The following CLYBL variants were observed in gnomAD, a reference collection of about 807,000 sequenced individuals.
The protein encoded by CLYBL is citramalyl-CoA lyase, mitochondrial.
Under a neutral mutation model 38.9 loss-of-function variants are expected in CLYBL, and 31 were observed. That is an observed-to-expected ratio of 0.80 (90% CI 0.60 to 1.08). The LOEUF (loss-of-function observed/expected upper bound fraction) is 1.08, where lower values mean the gene tolerates loss of function less well. Ranked by LOEUF, CLYBL falls within the 50% of genes least tolerant of loss-of-function variation. The pLI is 0.00. For missense variants in CLYBL, 434 were observed against 411.6 expected, an observed-to-expected ratio of 1.05 and a Z score of -0.47; for synonymous variants, 171 against 158.6, an observed-to-expected ratio of 1.08 and a Z score of -0.59.
At chr13:99,673,175 G>C (rs2047592871) in intron 1 of CLYBL, among the ~76,000 whole-genome samples, 1 of 152,186 alleles carries the variant, frequency 6.6e-6, no homozygotes, top group African/African-American at 2.4e-5. Flanking sequence ...CACTTTGAGA[G>C]GCTGAGGTAG....
intron 1 of CLYBL, among the ~76,000 whole-genome samples, chr13:99,685,698 A>T (rs1484976602): frequency 6.6e-6 from 1 of 152,204 alleles, no homozygotes; most frequent in Non-Finnish European, 1.5e-5. Context: ...ACGGTGGCTC[A>T]AGCCTGTAAT....
chr13:99,747,528 A>G (rs1336757349), intron 1 of CLYBL, among the ~76,000 whole-genome samples: 3 of 152,076 alleles, frequency 2.0e-5, no homozygotes, highest in East Asian at 1.9e-4. Context: ...CCACGGCCAC[A>G]TTTATAGAAA....
chr13:99,725,584 G>A (rs2048459068), intron 1 of CLYBL, among the ~76,000 whole-genome samples: 1 of 152,176 alleles, frequency 6.6e-6, no homozygotes, highest in African/African-American at 2.4e-5. Context: ...AACTCAGTGG[G>A]AAATGTTAAC....
chr13:99,684,687 C>T (rs1486886574), intron 1 of CLYBL, among the ~76,000 whole-genome samples: 1 of 152,168 alleles, frequency 6.6e-6, no homozygotes, highest in African/African-American at 2.4e-5. Context: ...TGTATTTCTG[C>T]AAAATCTACC....
chr13:99,884,778 G>A (rs2052304601), intron 7 of CLYBL, among the ~76,000 whole-genome samples: 1 of 152,166 alleles, frequency 6.6e-6, no homozygotes, highest in African/African-American at 2.4e-5. Context: ...AGTTTGATGG[G>A]GTGGGAGGCA....
At chr13:99,859,292 G>A (rs1338078210) in intron 3 of CLYBL, among the ~76,000 whole-genome samples, 1 of 152,180 alleles carries the variant, frequency 6.6e-6, no homozygotes, top group East Asian at 1.9e-4. Flanking sequence ...TGGATGTGTG[G>A]TTTGGCCAGA....
chr13:99,909,296 G>T (rs1437236978), exon 10 of CLYBL, among the ~76,000 whole-genome samples: 1 of 152,226 alleles, frequency 6.6e-6, no homozygotes, highest in African/African-American at 2.4e-5. Context: ...GGCTTCAGTT[G>T]TCTCATTCTG....
intron 1 of CLYBL, among the ~76,000 whole-genome samples, chr13:99,631,844 AC>A (rs2046950855): frequency 6.6e-6 from 1 of 151,980 alleles, no homozygotes; most frequent in South Asian, 2.1e-4. Context: ...CTCGTGATCC[AC>A]CCGCCTCAGC....
At chr13:99,710,698 G>A (rs1566297270) in intron 1 of CLYBL, among the ~76,000 whole-genome samples, 1 of 151,958 alleles carries the variant, frequency 6.6e-6, no homozygotes, top group Non-Finnish European at 1.5e-5. Flanking sequence ...GGGAATCTTG[G>A]TACACCATTT....
chr13:99,755,101 G>T (rs1043794426), intron 1 of CLYBL, among the ~76,000 whole-genome samples: 38 of 151,994 alleles, frequency 2.5e-4, no homozygotes, highest in African/African-American at 8.9e-4. Context: ...GTTTCACCAT[G>T]TTAGCCAGGA....
chr13:99,734,028 G>C (rs1342730541), intron 1 of CLYBL, among the ~76,000 whole-genome samples: 3 of 152,144 alleles, frequency 2.0e-5, no homozygotes, highest in Non-Finnish European at 4.4e-5. Context: ...ATCTTTTCTT[G>C]TTCCATCTGA....
intron 1 of CLYBL, among the ~76,000 whole-genome samples, chr13:99,618,207 G>A (rs1481340725): frequency 2.0e-5 from 3 of 151,822 alleles, no homozygotes; most frequent in Admixed American, 1.3e-4. Context: ...TATTTTGAGT[G>A]TTTCTAAAGA....
intron 1 of CLYBL, among the ~76,000 whole-genome samples, chr13:99,744,164 G>A (rs888447915): frequency 6.6e-6 from 1 of 151,766 alleles, no homozygotes; most frequent in Admixed American, 6.6e-5. Context: ...AGTAGAGACG[G>A]GGTTTCACCG....
At chr13:99,752,467 G>T (rs1253800605) in intron 1 of CLYBL, among the ~76,000 whole-genome samples, 2 of 152,122 alleles carry the variant, frequency 1.3e-5, no homozygotes, top group Non-Finnish European at 2.9e-5. Context: ...GCTGATTTTT[G>T]CAGAAAAGGA....
chr13:99,684,893 AAAC>A (rs1833412507), intron 1 of CLYBL, among the ~76,000 whole-genome samples: 1 of 152,268 alleles, frequency 6.6e-6, no homozygotes, highest in South Asian at 2.1e-4. Flanking sequence ...TTTATAAAGA[AAAC>A]AACCAGCCAA....
At chr13:99,897,624 T>C (rs1036627204), downstream of CLYBL, among the ~76,000 whole-genome samples, 2 of 152,150 alleles carry the variant, frequency 1.3e-5, no homozygotes, top group South Asian at 2.1e-4. Context: ...ACTTTCTCTC[T>C]TTCACCGTTG....
chr13:99,619,800 A>C (rs1436506083), intron 1 of CLYBL, among the ~76,000 whole-genome samples: 1 of 152,208 alleles, frequency 6.6e-6, no homozygotes, highest in African/African-American at 2.4e-5. Flanking sequence ...AGAGTCTAGA[A>C]AGGAATTATT....
At chr13:99,880,287 A>G (rs2052171305) in intron 7 of CLYBL, among the ~76,000 whole-genome samples, 1 of 151,220 alleles carries the variant, frequency 6.6e-6, no homozygotes, top group Non-Finnish European at 1.5e-5. Flanking sequence ...CTGGTCTCGA[A>G]CTCCTGACCT....
Position 99,862,917 on chromosome 13 carries a change from A to T in CLYBL, c.439-74A>T, listed in dbSNP as rs567499153. ...ACTTCCTCAGGTCAAAGACTTAAAT[A>T]CTACTTCTGGGTCTACATTTCCGTG... is the stretch of plus-strand genomic sequence containing the variant. On this transcript the variant is annotated intron_variant, in intron 3 of 8. Transcript: ENST00000339105. 661 of 656,406 alleles carry T rather than the reference A, an allele frequency of 1.0e-3. 3 individuals carry two copies. In the African/African-American group the frequency reaches 0.012, roughly 12 times the overall value. 40.7% of individuals were successfully genotyped at this position (656,406 alleles called of 1,614,324 possible). A position where few individuals can be genotyped will look rare whatever the true frequency, so the allele number is the denominator to read the frequency against.
Sources: gnomAD v4.1 joint callset for allele counts (sites outside exome capture counted in the v4.1 genomes callset) on GRCh38, gnomAD v4.1.1 for gene constraint, MANE v1.5 for transcripts, NCBI Gene and HGNC (gene_info 2026-07-23, HGNC 2026-07-21) for gene names.